Variants in SKI observed in about 807,000 individuals in gnomAD.
SKI encodes the protein ski oncogene.
SKI carries 23 observed loss-of-function variants against 59.3 expected under a neutral mutation model. The observed-to-expected ratio is 0.39, with a 90% confidence interval of 0.28 to 0.55. SKI has a LOEUF of 0.55. Ranked by LOEUF, SKI falls within the 20% of genes least tolerant of loss-of-function variation. SKI has a pLI of 0.67. For synonymous variants in SKI, 673 were observed against 488.6 expected (o/e 1.38, Z -4.98); for missense variants, 1,017 against 1,038.9 (o/e 0.98, Z 0.29).
intron 5 of SKI, among the ~76,000 whole-genome samples, chr1:2,305,132 C>G (rs556889885): frequency 6.6e-6 from 1 of 152,330 alleles, no homozygotes; most frequent in East Asian, 1.9e-4. Context: ...TCGGCCCGCA[C>G]AGACACACAC....
Position 2,303,634 on chromosome 1 carries a change from A to G in SKI, c.1212-206A>G, listed in dbSNP as rs1255396705. The G allele has an allele frequency of 1.4e-6, 1 of 729,200 alleles. No homozygotes were observed. Among genetic ancestry groups the G allele is most frequent in the African/African-American group, 1.8e-5 (1 of 56,292 alleles). The allele number at this position is 729,200 out of a possible 1,614,324, so 45.2% of individuals were successfully genotyped here. A position where few individuals can be genotyped will look rare whatever the true frequency, so the allele number is the denominator to read the frequency against. ...CCTGTCTGCTGGGCGCAGCTTCTTG[A>G]TGTGTTGGCCTGTGTCTGGCCTTCG... On this transcript the variant is annotated intron_variant, in intron 3 of 6. Transcript: ENST00000378536. This position sits in a 1 kb window ranked among gnomAD's most constrained non-coding sequence, Gnocchi z 5.6.
chr1:2,274,657 G>A (rs1419838965), intron 1 of SKI, among the ~76,000 whole-genome samples: 1 of 152,238 alleles, frequency 6.6e-6, no homozygotes, highest in Non-Finnish European at 1.5e-5. Context: ...CCTCATAGCG[G>A]GCAGATACTG....
At chr1:2,236,872 C>T (rs1001760632) in intron 1 of SKI, among the ~76,000 whole-genome samples, 1 of 152,188 alleles carries the variant, frequency 6.6e-6, no homozygotes, top group South Asian at 2.1e-4. Context: ...GGACCAACTG[C>T]GGCTTCTGCT....
At chr1:2,237,044 C>T (rs1043183963) in intron 1 of SKI, among the ~76,000 whole-genome samples, 6 of 152,186 alleles carry the variant, frequency 3.9e-5, no homozygotes, top group African/African-American at 1.4e-4. Context: ...CTTTCTCTGT[C>T]CTGAGGGTTC....
chr1:2,292,246 G>A (rs1189197973), intron 1 of SKI, among the ~76,000 whole-genome samples: 1 of 152,318 alleles, frequency 6.6e-6, no homozygotes, highest in African/African-American at 2.4e-5. Context: ...GAGTTGCCAC[G>A]TAGGAGAGCA....
chr1:2,294,338 A>G (rs1416143460), intron 1 of SKI, among the ~76,000 whole-genome samples: 1 of 152,186 alleles, frequency 6.6e-6, no homozygotes, highest in Admixed American at 6.5e-5. Context: ...AAATCACAAA[A>G]TTGGCACTCA....
At chr1:2,238,854 GC>G (rs1638805726) in intron 1 of SKI, among the ~76,000 whole-genome samples, 1 of 152,238 alleles carries the variant, frequency 6.6e-6, no homozygotes, top group Non-Finnish European at 1.5e-5. Context: ...ACTGAAGCCT[GC>G]CCCAGGCTGC....
At chr1:2,233,578 G>A (rs1382711456) in intron 1 of SKI, among the ~76,000 whole-genome samples, 1 of 152,082 alleles carries the variant, frequency 6.6e-6, no homozygotes, top group Non-Finnish European at 1.5e-5. Context: ...CCCAGTGGAG[G>A]GTCCGCGACG....
chr1:2,286,168 A>T (rs1640037045), intron 1 of SKI, among the ~76,000 whole-genome samples: 1 of 152,234 alleles, frequency 6.6e-6, no homozygotes, highest in South Asian at 2.1e-4. Flanking sequence ...CACCACGCCC[A>T]GCCTACTGTT....
At chr1:2,253,662 C>G (rs1384931451) in intron 1 of SKI, among the ~76,000 whole-genome samples, 1 of 152,234 alleles carries the variant, frequency 6.6e-6, no homozygotes, top group East Asian at 1.9e-4. Context: ...GCCCCCAGTT[C>G]TGACAGCTAG....
intron 1 of SKI, among the ~76,000 whole-genome samples, chr1:2,246,262 G>C (rs149971385): frequency 1.9e-3 from 289 of 152,244 alleles, no homozygotes; most frequent in African/African-American, 6.7e-3. Context: ...TTGTGGTTTT[G>C]GTTCTCATTT....
intron 1 of SKI, among the ~76,000 whole-genome samples, chr1:2,237,095 C>G (rs1033804009): frequency 6.6e-6 from 1 of 152,134 alleles, no homozygotes; most frequent in African/African-American, 2.4e-5. Context: ...CTTGTGTGGC[C>G]CTTCCCGACC....
chr1:2,229,856 G>A lies in SKI; in HGVS notation c.969+121G>A. 6.6e-7 allele frequency: 1 copy of A among 1,504,066 alleles called. No individual in the cohort carries two copies. The highest frequency in any genetic ancestry group is 9.0e-7 in the Non-Finnish European group (1 of 1,116,666). 93.2% of individuals were successfully genotyped at this position (1,504,066 alleles called of 1,614,324 possible). ...GCTTCTGCCGTGCCCCATGTCTCCA[G>A]TCTTCGCTTTGTTTTAGGGAAATTC... is the stretch of plus-strand genomic sequence containing the variant. On this transcript the variant is annotated intron_variant, in intron 1 of 6. Transcript: ENST00000378536. The surrounding 1 kb of genome is among the most constrained non-coding windows in gnomAD (Gnocchi z 6.3).
intron 1 of SKI, among the ~76,000 whole-genome samples, chr1:2,246,916 G>T (rs1639012266): frequency 6.6e-6 from 1 of 152,184 alleles, no homozygotes; most frequent in Admixed American, 6.5e-5. Flanking sequence ...CTTTCTGGGA[G>T]GCCTGTGCAA....
chr1:2,272,223 A>G (rs995774219), intron 1 of SKI, among the ~76,000 whole-genome samples: 10 of 152,188 alleles, frequency 6.6e-5, no homozygotes, highest in African/African-American at 2.2e-4. Context: ...CTTTCCGGGG[A>G]TTAAAAACCC....
intron 5 of SKI, among the ~76,000 whole-genome samples, chr1:2,305,002 C>T (rs772828237): frequency 5.9e-5 from 9 of 152,214 alleles, no homozygotes; most frequent in Non-Finnish European, 1.0e-4. Flanking sequence ...AGTGGGTGTT[C>T]ACGCGCTCCG....
At chr1:2,250,844 C>T (rs575118876) in intron 1 of SKI, among the ~76,000 whole-genome samples, 5 of 152,378 alleles carry the variant, frequency 3.3e-5, no homozygotes, top group Admixed American at 2.6e-4. Context: ...CAGCTGGCTG[C>T]GCGTTGGCAG....
At chr1:2,305,060 A>T (rs748570182) in intron 5 of SKI, among the ~76,000 whole-genome samples, 3 of 152,188 alleles carry the variant, frequency 2.0e-5, no homozygotes, top group African/African-American at 4.8e-5. Context: ...GGGCGTGCTT[A>T]CTAATGCCTG....
chr1:2,253,939 C>T lies in SKI; in HGVS notation c.969+24204C>T, dbSNP rs1406579607. Among the ~76,000 whole-genome samples, 5 of 152,242 alleles carry T rather than the reference C, an allele frequency of 3.3e-5. No homozygotes were observed. The East Asian group carries it at 9.6e-4, about 29-fold the overall frequency. On this transcript the variant is annotated intron_variant, in intron 1 of 6. Transcript: ENST00000378536. ...GGCCAGAGTGGTGTCCCCAGAGTGC[C>T]TGCTGCTGGAAGAGAAGGCTCTGGG...
Sources: gnomAD v4.1 joint callset for allele counts (sites outside exome capture counted in the v4.1 genomes callset) on GRCh38, gnomAD v4.1.1 for gene constraint, Gnocchi (gnomAD v3.1) non-coding constraint, MANE v1.5 for transcripts, NCBI Gene and HGNC (gene_info 2026-07-23, HGNC 2026-07-21) for gene names.